The following RFX2 variants were observed in gnomAD, a reference collection of about 807,000 sequenced individuals.
RFX2 encodes DNA-binding protein RFX2.
A neutral mutation model predicts 87.8 loss-of-function variants in RFX2; 20 were observed. The ratio of observed to expected loss-of-function variants is 0.23; its 90% CI spans 0.16 to 0.33. The LOEUF (loss-of-function observed/expected upper bound fraction) is 0.33, where lower values mean the gene tolerates loss of function less well. RFX2 is among the 10% of genes least tolerant of loss of function. The probability of loss-of-function intolerance (pLI) is 1.00; values close to 1 mark genes in which losing one functional copy is unlikely to be tolerated. For missense variants in RFX2, 767 were observed against 1,012.3 expected (o/e 0.76, Z 3.29); for synonymous variants, 397 against 431.3 (o/e 0.92, Z 0.98).
At chr19:6,094,619 C>T (rs950538009) in intron 1 of RFX2, among the ~76,000 whole-genome samples, 9 of 152,074 alleles carry the variant, frequency 5.9e-5, no homozygotes, top group Non-Finnish European at 8.8e-5. Context: ...CCTGTGCAGT[C>T]GGTATAGAAG....
At position 6,010,097 on chromosome 19, in the gene RFX2, G is replaced by A. The variant is rs1055320281; in HGVS notation, c.1015+39C>T. ...TTGAAACCCAGGAGTGTGGCGAGCA[G>A]ATGGGAGCCCCGCCCCCGGGCCTGA... On this transcript the variant is annotated intron_variant, in intron 9 of 17. Transcript: ENST00000303657. This position sits in a 1 kb window ranked among gnomAD's most constrained non-coding sequence, Gnocchi z 5.0. The A allele has an allele frequency of 2.0e-5, 27 of 1,338,888 alleles. No individual in the cohort carries two copies. Among genetic ancestry groups the A allele is most frequent in the Non-Finnish European group, 2.7e-5 (26 of 960,128 alleles). 82.9% of individuals were successfully genotyped at this position (1,338,888 alleles called of 1,614,324 possible). A position where few individuals can be genotyped will look rare whatever the true frequency, so the allele number is the denominator to read the frequency against.
Position 6,004,349 on chromosome 19 carries a change from C to T in RFX2, c.1403-51G>A, listed in dbSNP as rs2086546846. 4 of 1,458,606 alleles carry T rather than the reference C, an allele frequency of 2.7e-6. No individual in the cohort carries two copies. The highest frequency in any genetic ancestry group is 2.8e-5 in the African/African-American group (2 of 71,806). The allele number at this position is 1,458,606 out of a possible 1,614,324, so 90.4% of individuals were successfully genotyped here. A position where few individuals can be genotyped will look rare whatever the true frequency, so the allele number is the denominator to read the frequency against. Reference sequence around the variant, plus strand: ...CCAGGGAGAAAGGCAGTGACTGGACCCTGGAAATCAGCATTCAGTGTAAGA... The same window carrying T: ...CCAGGGAGAAAGGCAGTGACTGGACTCTGGAAATCAGCATTCAGTGTAAGA... On this transcript the variant is annotated intron_variant, in intron 12 of 17. Coordinates refer to ENST00000303657, the MANE Select transcript of RFX2 (RefSeq NM_000635.4). This position sits in a 1 kb window ranked among gnomAD's most constrained non-coding sequence, Gnocchi z 4.8.
rs897798100 is a variant in RFX2 at position 6,007,820 on chromosome 19, G to A, written c.1135-18C>T. ...ACAGTTGCCTAGGAATGAAGGGACC[G>A]GTGAGACAGACGGGTGCGTGCGCCC... On this transcript the variant is annotated intron_variant, in intron 10 of 17. Coordinates refer to ENST00000303657, the MANE Select transcript of RFX2 (RefSeq NM_000635.4). The surrounding 1 kb of genome is among the most constrained non-coding windows in gnomAD (Gnocchi z 8.2). The A allele has an allele frequency of 6.0e-6, 9 of 1,491,322 alleles. No homozygotes were observed. The highest frequency in any genetic ancestry group is 2.0e-5 in the Admixed American group (1 of 50,956). 92.4% of individuals were successfully genotyped at this position (1,491,322 alleles called of 1,614,324 possible).
Position 6,004,129 on chromosome 19 carries a change from G to A in RFX2, c.1500+72C>T. 4.4e-6 allele frequency: 5 copies of A among 1,127,638 alleles called. No homozygotes were observed. Among genetic ancestry groups the A allele is most frequent in the Non-Finnish European group, 2.7e-6 (2 of 737,550 alleles). 69.9% of individuals were successfully genotyped at this position (1,127,638 alleles called of 1,614,324 possible). A position where few individuals can be genotyped will look rare whatever the true frequency, so the allele number is the denominator to read the frequency against. On this transcript the variant is annotated intron_variant, in intron 13 of 17. Coordinates refer to ENST00000303657, the MANE Select transcript of RFX2 (RefSeq NM_000635.4). This position sits in a 1 kb window ranked among gnomAD's most constrained non-coding sequence, Gnocchi z 4.8. ...AGCCAGCGCTCTCTGGGACACAGTG[G>A]TCCTCATGCTGTCCTGGACTGGAGC...
intron 13 of RFX2, among the ~76,000 whole-genome samples, chr19:6,003,515 A>G (rs3795017): frequency 0.5 from 76,044 of 151,668 alleles, 20,966 homozygotes; most frequent in African/African-American, 0.76. Flanking sequence ...GGTGGCTCAC[A>G]CCTGTAATCC....
rs536555771 is a variant in RFX2 at position 6,083,095 on chromosome 19, C to T, written c.-9+27298G>A. Among the ~76,000 whole-genome samples the T allele has an allele frequency of 4.6e-5, 7 of 152,152 alleles. No individual in the cohort carries two copies. The highest frequency in any genetic ancestry group is 3.9e-4 in the East Asian group (2 of 5,166). On this transcript the variant is annotated intron_variant, in intron 1 of 17. Transcript: ENST00000303657. This position sits in a 1 kb window ranked among gnomAD's most constrained non-coding sequence, Gnocchi z 4.6. ...CTAATTTTTGTATTGTTTGTAGAGACGGGGTTTCACCCTGTTGTCCAGGCT... is the reference window on the plus strand; with the variant it reads ...CTAATTTTTGTATTGTTTGTAGAGATGGGGTTTCACCCTGTTGTCCAGGCT...
intron 1 of RFX2, among the ~76,000 whole-genome samples, chr19:6,080,799 A>G (rs941952825): frequency 3.3e-5 from 5 of 152,100 alleles, no homozygotes; most frequent in Non-Finnish European, 7.4e-5. Context: ...GCATTTTGGG[A>G]GGCTGAGGTG....
intron 4 of RFX2, among the ~76,000 whole-genome samples, chr19:6,041,632 CTT>C (rs2087108776): frequency 6.9e-6 from 1 of 145,236 alleles, no homozygotes; most frequent in African/African-American, 2.5e-5. Flanking sequence ...CCAAGACTAT[CTT>C]TTCTAAAAGT....
rs774750448 is a variant in RFX2 at position 6,047,401 on chromosome 19, C to G, written c.90+6G>C. On this transcript the variant is annotated splice_donor_region_variant and intron_variant, in intron 2 of 17. Transcript: ENST00000303657. The surrounding 1 kb of genome is among the most constrained non-coding windows in gnomAD (Gnocchi z 4.2). ...CACCCTGTTGTTGCTGAGAGGCGCGCGTTACCTGCGGGGAGGCTGGCACAG... is the reference window on the plus strand; with the variant it reads ...CACCCTGTTGTTGCTGAGAGGCGCGGGTTACCTGCGGGGAGGCTGGCACAG... 6.2e-7 allele frequency: 1 copy of G among 1,602,762 alleles called. No individual in the cohort carries two copies. The highest frequency in any genetic ancestry group is 1.3e-5 in the African/African-American group (1 of 74,756).
In RFX2 at chr19:5,993,319, C is replaced by T. The variant is rs1023337971; in HGVS notation, c.*1516G>A. ...TTCAACTAAGGTTTGGGCTATACGACCAGACAAACAGTGTGATTATTCCCA... is the reference window on the plus strand; with the variant it reads ...TTCAACTAAGGTTTGGGCTATACGATCAGACAAACAGTGTGATTATTCCCA... On this transcript the variant is annotated 3_prime_UTR_variant, in exon 18 of 18. Transcript: ENST00000303657. 2.2e-4 allele frequency: 34 copies of T among 152,344 alleles called. No homozygotes were observed. Among genetic ancestry groups the T allele is most frequent in the African/African-American group, 6.0e-4 (25 of 41,580 alleles). The allele number at this position is 152,344 out of a possible 1,614,324, so 9.4% of individuals were successfully genotyped here.
intron 1 of RFX2, among the ~76,000 whole-genome samples, chr19:6,108,712 C>CG (rs1245988954): frequency 6.6e-6 from 1 of 152,120 alleles, no homozygotes; most frequent in African/African-American, 2.4e-5. Flanking sequence ...CCTGGGGGGG[C>CG]GGGGGTAAGG....
Position 6,010,370 on chromosome 19 carries a change from G to C in RFX2, c.900-119C>G. The C allele has an allele frequency of 1.5e-6, 1 of 668,326 alleles. No individual in the cohort carries two copies. Among genetic ancestry groups the C allele is most frequent in the South Asian group, 1.7e-5 (1 of 59,326 alleles). 41.4% of individuals were successfully genotyped at this position (668,326 alleles called of 1,614,324 possible). On this transcript the variant is annotated intron_variant, in intron 8 of 17. Coordinates refer to ENST00000303657, the MANE Select transcript of RFX2 (RefSeq NM_000635.4). This position sits in a 1 kb window ranked among gnomAD's most constrained non-coding sequence, Gnocchi z 5.0. Reference sequence around the variant, plus strand: ...TGTGTGTGTGATGTTTACAAGTTGCGGTCAAATACACATAACACAAAAGCT... The same window carrying C: ...TGTGTGTGTGATGTTTACAAGTTGCCGTCAAATACACATAACACAAAAGCT...
chr19:6,104,681 G>A (rs1020777805), intron 1 of RFX2, among the ~76,000 whole-genome samples: 1 of 152,090 alleles, frequency 6.6e-6, no homozygotes, highest in African/African-American at 2.4e-5. Flanking sequence ...AGCTGAGATT[G>A]CAGGTGTGAG....
chr19:6,029,731 C>CA (rs1288723543), intron 5 of RFX2, among the ~76,000 whole-genome samples: 11 of 151,664 alleles, frequency 7.3e-5, no homozygotes, highest in Non-Finnish European at 1.5e-4. Flanking sequence ...AACAAAACAA[C>CA]AAAAAAACAC....
intron 5 of RFX2, among the ~76,000 whole-genome samples, chr19:6,038,652 A>G (rs1471330788): frequency 6.6e-6 from 1 of 152,134 alleles, no homozygotes; most frequent in Non-Finnish European, 1.5e-5. Context: ...AAAACAACCA[A>G]CCTAGTTAAA....
At chr19:6,019,595 T>TATATA (rs150408688) in intron 6 of RFX2, among the ~76,000 whole-genome samples, 2 of 147,486 alleles carry the variant, frequency 1.4e-5, no homozygotes, top group East Asian at 4.0e-4. Flanking sequence ...GATATATATA[T>TATATA]ATATATATAT....
In RFX2 at chr19:6,008,189, C is replaced by T. The variant is rs200258235; in HGVS notation, c.1051G>A (p.Asp351Asn). The T allele has an allele frequency of 6.9e-5, 108 of 1,560,902 alleles. No individual in the cohort carries two copies. Among genetic ancestry groups the T allele is most frequent in the Middle Eastern group, 5.0e-4 (3 of 5,950 alleles). ...TCCTGCAGCAGGAAGCTGCCCAGGTCGGGCGCTGGGAACTCGGGGAAGACG... is the reference window on the plus strand; with the variant it reads ...TCCTGCAGCAGGAAGCTGCCCAGGTTGGGCGCTGGGAACTCGGGGAAGACG... The part of the protein sequence containing the change: ...SHVFPEFPAP[D>N]LGSFLLQDGV... The change falls in exon 10 of 18, where the codon GAC becomes AAC. Residue 351 changes from aspartate to asparagine, a missense_variant. Coordinates refer to ENST00000303657, the MANE Select transcript of RFX2 (RefSeq NM_000635.4).
At position 6,061,328 on chromosome 19, in the gene RFX2, A is replaced by T. The variant is rs1212722206; in HGVS notation, c.-8-13824T>A. Among the ~76,000 whole-genome samples, 2 of 152,226 alleles carry T rather than the reference A, an allele frequency of 1.3e-5. No individual in the cohort carries two copies. The highest frequency in any genetic ancestry group is 4.8e-5 in the African/African-American group (2 of 41,466). ...CCCTGGCTCAAAAAATCCTCCCAAG[A>T]ATTTTCACCGCATAGACAGTGTGTG... On this transcript the variant is annotated intron_variant, in intron 1 of 17. Coordinates refer to ENST00000303657, the MANE Select transcript of RFX2 (RefSeq NM_000635.4). This position sits in a 1 kb window ranked among gnomAD's most constrained non-coding sequence, Gnocchi z 5.2.
intron 3 of RFX2, among the ~76,000 whole-genome samples, chr19:6,042,496 GT>G (rs141155152): frequency 5.9e-4 from 87 of 146,772 alleles, no homozygotes; most frequent in African/African-American, 1.0e-3. Context: ...CCTGGTTTCT[GT>G]TTTTTTTTTT....
Sources: allele counts gnomAD v4.1 joint callset (sites outside exome capture counted in the v4.1 genomes callset), GRCh38; gene constraint gnomAD v4.1.1; non-coding constraint Gnocchi (gnomAD v3.1); transcripts MANE v1.5; gene names NCBI Gene and HGNC (gene_info 2026-07-23, HGNC 2026-07-21).